The following TDRP variants were observed in gnomAD, a reference collection of about 807,000 sequenced individuals.
TDRP encodes testis development related protein.
Under a neutral mutation model 10.5 loss-of-function variants are expected in TDRP, and 12 were observed. That is an observed-to-expected ratio of 1.15 (90% CI 0.73 to 1.86). The LOEUF is 1.86. Ranked by LOEUF, TDRP falls within the 40% of genes most tolerant of loss-of-function variation. The pLI is 0.00. For synonymous variants in TDRP, 139 were observed against 95.4 expected, an observed-to-expected ratio of 1.46 and a Z score of -2.67; for missense variants, 353 against 229.2, an observed-to-expected ratio of 1.54 and a Z score of -3.49.
chr8:493,837 C>G (rs1801051190), intron 2 of TDRP, among the ~76,000 whole-genome samples: 1 of 152,098 alleles, frequency 6.6e-6, no homozygotes, highest in South Asian at 2.1e-4. Context: ...TTAAGTGAGG[C>G]TACAGGCTGC....
intron 1 of TDRP, among the ~76,000 whole-genome samples, chr8:527,514 T>C (rs1301525119): frequency 6.6e-6 from 1 of 152,202 alleles, no homozygotes; most frequent in South Asian, 2.1e-4. Flanking sequence ...CTTCAAATTA[T>C]ACTACAGAGC....
chr8:502,437 G>C (rs1196294586), intron 1 of TDRP, among the ~76,000 whole-genome samples: 1 of 152,242 alleles, frequency 6.6e-6, no homozygotes, highest in Non-Finnish European at 1.5e-5. Context: ...GGTGGGGCTA[G>C]GCGGCCATAG....
At chr8:519,827 C>G (rs2116816669) in intron 1 of TDRP, among the ~76,000 whole-genome samples, 1 of 152,326 alleles carries the variant, frequency 6.6e-6, no homozygotes, top group East Asian at 1.9e-4. Context: ...CCTGATGGCT[C>G]ATCTTGAATT....
chr8:509,200 G>C (rs1362274626), intron 1 of TDRP, among the ~76,000 whole-genome samples: 3 of 152,314 alleles, frequency 2.0e-5, no homozygotes, highest in African/African-American at 7.2e-5. Context: ...GGTGCAAACT[G>C]TCGGTGGATC....
At chr8:545,291 C>T (rs1802623719), upstream of TDRP, among the ~76,000 whole-genome samples, 1 of 130,586 alleles carries the variant, frequency 7.7e-6, no homozygotes, top group Admixed American at 7.4e-5. Context: ...CCGGAAACGC[C>T]CCCATCCTGA....
intron 1 of TDRP, among the ~76,000 whole-genome samples, chr8:539,227 G>A (rs1363325014): frequency 2.6e-5 from 4 of 152,132 alleles, no homozygotes; most frequent in Admixed American, 6.5e-5. Context: ...TGGGAGTCAC[G>A]AGGGTGGGGC....
chr8:491,875 T>C lies in TDRP; in HGVS notation c.*524A>G, dbSNP rs1222407690. On this transcript the variant is annotated 3_prime_UTR_variant, in exon 3 of 3. Coordinates refer to ENST00000324079, the MANE Select transcript of TDRP (RefSeq NM_001384899.1). ...ATATAAGCTTTGCTTTTCCAGTATT[T>C]GTTTACGTATTTGTTTAATAAGAAC... The C allele has an allele frequency of 8.3e-7, 1 of 1,198,414 alleles. No homozygotes were observed. Among genetic ancestry groups the C allele is most frequent in the Non-Finnish European group, 1.0e-6 (1 of 966,580 alleles). The allele number at this position is 1,198,414 out of a possible 1,614,324, so 74.2% of individuals were successfully genotyped here. A position where few individuals can be genotyped will look rare whatever the true frequency, so the allele number is the denominator to read the frequency against.
Position 521,749 on chromosome 8 carries a change from T to C in TDRP, c.108+22901A>G, listed in dbSNP as rs148798787. ...GTCATTTGAGATTCTATATGAACTT[T>C]AGAATTTCTTTTCTACTTCAGCAAA... is the stretch of plus-strand genomic sequence containing the variant. On this transcript the variant is annotated intron_variant, in intron 1 of 2. Transcript: ENST00000324079. 2.9e-4 allele frequency among the ~76,000 whole-genome samples: 44 copies of C among 152,204 alleles called. No homozygotes were observed. The East Asian group carries it at 6.4e-3, about 22-fold the overall frequency.
In TDRP at chr8:492,476, G is replaced by A. The variant is rs767863120; in HGVS notation, c.481C>T (p.Arg161Cys). Residue 161 changes from arginine (R) to cysteine (C), a missense_variant, in exon 3 of 3, where the codon CGC becomes TGC. Physicochemically the swap from Arg to Cys is radical, Grantham distance 180. Transcript: ENST00000324079. The part of the protein sequence containing the change: ...SSANSSRWSL[R>C]AAGRLVSIRR... ...ATGCTCACCAGCCTCCCTGCCGCGC[G>A]CAGGCTCCACCTGGAGCTGTTGGCA... 48 of 1,605,802 alleles carry A rather than the reference G, an allele frequency of 3.0e-5. No individual in the cohort carries two copies. Among genetic ancestry groups the A allele is most frequent in the Middle Eastern group, 1.7e-4 (1 of 6,054 alleles).
intron 1 of TDRP, among the ~76,000 whole-genome samples, chr8:508,099 G>T (rs796663540): frequency 6.6e-6 from 1 of 152,056 alleles, no homozygotes; most frequent in African/African-American, 2.4e-5. Context: ...CTAAAGGAAA[G>T]TATGATAAAG....
At chr8:499,438 C>A (rs1194035611) in intron 1 of TDRP, among the ~76,000 whole-genome samples, 2 of 152,190 alleles carry the variant, frequency 1.3e-5, no homozygotes, top group Middle Eastern at 3.2e-3. Context: ...CCCTGTAGCA[C>A]CTGGGTGGCT....
intron 1 of TDRP, among the ~76,000 whole-genome samples, chr8:528,615 T>TA (rs1240547411): frequency 1.5e-5 from 2 of 131,076 alleles, no homozygotes; most frequent in Non-Finnish European, 3.5e-5. Context: ...ATTGTACTTT[T>TA]AAAAAATAAG....
Position 492,824 on chromosome 8 carries a change from T to G in TDRP, c.213-80A>C, listed in dbSNP as rs1801019890. On this transcript the variant is annotated intron_variant, in intron 2 of 2. Transcript: ENST00000324079. ...TTTATCCATTTTACAAACATAAAATTCTTTAAAATTTTAAAAAATTGTTTA... is the reference window on the plus strand; with the variant it reads ...TTTATCCATTTTACAAACATAAAATGCTTTAAAATTTTAAAAAATTGTTTA... The G allele has an allele frequency of 1.0e-5, 12 of 1,165,528 alleles. No individual in the cohort carries two copies. In the South Asian group the frequency reaches 2.4e-4, roughly 23 times the overall value. The allele number at this position is 1,165,528 out of a possible 1,614,324, so 72.2% of individuals were successfully genotyped here.
In TDRP at chr8:492,486, C is replaced by A. The variant is rs1241386432; in HGVS notation, c.471G>T (p.Arg157Ser). 1.9e-6 allele frequency: 3 copies of A among 1,610,924 alleles called. No individual in the cohort carries two copies. The highest frequency in any genetic ancestry group is 2.2e-5 in the East Asian group (1 of 44,808). Residue 157 changes from arginine to serine, a missense_variant, in exon 3 of 3, where the codon AGG (arginine) becomes AGT (serine). Transcript: ENST00000324079. ...GCCTCCCTGCCGCGCGCAGGCTCCACCTGGAGCTGTTGGCAGAGCTGGCCA... is the reference window on the plus strand; with the variant it reads ...GCCTCCCTGCCGCGCGCAGGCTCCAACTGGAGCTGTTGGCAGAGCTGGCCA... ...TSLASSANSS[R>S]WSLRAAGRLV... is the part of the protein sequence containing the mutation.
chr8:536,496 G>A (rs900667420), intron 1 of TDRP, among the ~76,000 whole-genome samples: 3 of 152,156 alleles, frequency 2.0e-5, no homozygotes, highest in African/African-American at 7.2e-5. Flanking sequence ...TTTTTCACCT[G>A]TACATTTTAT....
chr8:504,513 G>C (rs1801401726), intron 1 of TDRP, among the ~76,000 whole-genome samples: 1 of 152,160 alleles, frequency 6.6e-6, no homozygotes, highest in Non-Finnish European at 1.5e-5. Context: ...CTGCAGGGTG[G>C]ATCCAGTTTG....
chr8:539,148 C>T (rs1020070936), intron 1 of TDRP, among the ~76,000 whole-genome samples: 1 of 152,118 alleles, frequency 6.6e-6, no homozygotes, highest in African/African-American at 2.4e-5. Flanking sequence ...ATGTTTGTGT[C>T]CCCAGAACTC....
rs975160579 is a variant in TDRP, at chr8:512,112, A to G, written c.109-17515T>C. Among the ~76,000 whole-genome samples the G allele has an allele frequency of 8.6e-5, 13 of 151,986 alleles. 1 individual carries two copies. The highest frequency in any genetic ancestry group is 3.1e-4 in the African/African-American group (13 of 41,382). Reference sequence around the variant, plus strand: ...CAGAAGAGAAATAAACAAAACCAAAATTTCGTTCTTTAAAAAAAAAAACAA... The same window carrying G: ...CAGAAGAGAAATAAACAAAACCAAAGTTTCGTTCTTTAAAAAAAAAAACAA... On this transcript the variant is annotated intron_variant, in intron 1 of 2. Transcript: ENST00000324079.
chr8:510,612 T>C (rs1030429035), intron 1 of TDRP, among the ~76,000 whole-genome samples: 1 of 152,172 alleles, frequency 6.6e-6, no homozygotes, highest in African/African-American at 2.4e-5. Flanking sequence ...AAAAAAATTC[T>C]CAACCAAAAA....
Sources: gnomAD v4.1 joint callset for allele counts (sites outside exome capture counted in the v4.1 genomes callset) on GRCh38, gnomAD v4.1.1 for gene constraint, MANE v1.5 for transcripts, NCBI Gene and HGNC (gene_info 2026-07-23, HGNC 2026-07-21) for gene names.